CLEC1B: variants seen among roughly 807,000 people sequenced by gnomAD.
CLEC1B encodes C-type lectin domain family 1 member B, also known as C-type lectin-like receptor 2.
CLEC1B carries 26 observed loss-of-function variants against 26.7 expected under a neutral mutation model. That is an observed-to-expected ratio of 0.97 (90% CI 0.71 to 1.35). The LOEUF (loss-of-function observed/expected upper bound fraction) is 1.35. Ranked by LOEUF, CLEC1B falls within the 40% of genes most tolerant of loss-of-function variation. The pLI is 0.00. For synonymous variants in CLEC1B, 112 were observed against 96.0 expected, an observed-to-expected ratio of 1.17 and a Z score of -0.97; for missense variants, 293 against 282.6, an observed-to-expected ratio of 1.04 and a Z score of -0.26.
intron 2 of CLEC1B, among the ~76,000 whole-genome samples, chr12:9,997,829 AAAG>A (rs1240743493): frequency 6.6e-6 from 1 of 152,216 alleles, no homozygotes; most frequent in African/African-American, 2.4e-5. Context: ...AGAATTACAG[AAAG>A]AAGAAATGCA....
intron 2 of CLEC1B, 136 bp downstream of exon 2, chr12:9,998,146 C>T: frequency 3.0e-6 from 2 of 673,688 alleles, no homozygotes; most frequent in South Asian, 1.8e-5. Context: ...TTGAGATTCT[C>T]TTGGCAACTA....
chr12:9,999,878 G>A (rs1865135224), upstream of CLEC1B, among the ~76,000 whole-genome samples: 2 of 152,160 alleles, frequency 1.3e-5, no homozygotes, highest in Non-Finnish European at 2.9e-5. Flanking sequence ...GTACAGCTGT[G>A]CTTAGATGAA....
At chr12:9,994,409 T>C (rs1023221051) in intron 5 of CLEC1B, among the ~76,000 whole-genome samples, 58 of 152,288 alleles carry the variant, frequency 3.8e-4, no homozygotes, top group Non-Finnish European at 6.5e-4. Flanking sequence ...AAATATTTGT[T>C]TAAAAATTTA....
chr12:10,000,068 A>G (rs1464733305), upstream of CLEC1B, among the ~76,000 whole-genome samples: 1 of 152,194 alleles, frequency 6.6e-6, no homozygotes, highest in Non-Finnish European at 1.5e-5. Flanking sequence ...GATGTTGTCT[A>G]TTTTGCCATA....
intron 5 of CLEC1B, 61 bp from the exon 6 acceptor site, chr12:9,993,348 C>G: frequency 7.3e-7 from 1 of 1,374,256 alleles, no homozygotes; most frequent in Non-Finnish European, 1.0e-6. Context: ...AGTAATCAGA[C>G]TCTGCGTATA....
intron 2 of CLEC1B, 43 bp from the exon 3 acceptor site, chr12:9,997,322 A>G: frequency 1.9e-6 from 3 of 1,553,406 alleles, no homozygotes; most frequent in Non-Finnish European, 2.6e-6. Context: ...AATTAGAACC[A>G]TAGAAATGAT....
At chr12:9,994,223 C>T (rs889660323) in intron 5 of CLEC1B, among the ~76,000 whole-genome samples, 1 of 152,068 alleles carries the variant, frequency 6.6e-6, no homozygotes, top group South Asian at 2.1e-4. Flanking sequence ...AGACAAAAGC[C>T]TTAAGGTAAC....
At chr12:9,994,857 A>T (rs1365656652) in intron 5 of CLEC1B, among the ~76,000 whole-genome samples, 1 of 151,934 alleles carries the variant, frequency 6.6e-6, no homozygotes, top group Non-Finnish European at 1.5e-5. Context: ...ACACTCACAC[A>T]TACACATACA....
intron 5 of CLEC1B, among the ~76,000 whole-genome samples, chr12:9,994,816 C>T (rs1288763902): frequency 1.4e-5 from 2 of 147,308 alleles, no homozygotes; most frequent in Non-Finnish European, 3.0e-5. Flanking sequence ...CAAAAACACA[C>T]ACACATGTGC....
chr12:9,993,090 CT>C lies in CLEC1B; in HGVS notation c.*52del. On this transcript the variant is annotated 3_prime_UTR_variant, in exon 6 of 6. Coordinates refer to ENST00000298527, the MANE Select transcript of CLEC1B (RefSeq NM_016509.4). ...CAGCTACTGATGCATTCATACATATCTTTTATTGTACAATAAAGCCCTTATC... is the reference window on the plus strand; with the variant it reads ...CAGCTACTGATGCATTCATACATATCTTTATTGTACAATAAAGCCCTTATC... 2 of 1,528,022 alleles carry C rather than the reference CT, an allele frequency of 1.3e-6. No homozygotes were observed. Among genetic ancestry groups the C allele is most frequent in the Non-Finnish European group, 1.8e-6 (2 of 1,120,148 alleles). The allele number at this position is 1,528,022 out of a possible 1,614,324, so 94.7% of individuals were successfully genotyped here.
At chr12:9,994,894 G>C in intron 5 of CLEC1B, 1 of 958,378 alleles carries the variant, frequency 1.0e-6, no homozygotes, top group Non-Finnish European at 1.4e-6. Flanking sequence ...TGGTAAGGTT[G>C]AATGTAAAAA....
At chr12:9,997,118 CA>C in intron 3 of CLEC1B, 41 bp downstream of exon 3, 11 of 1,611,534 alleles carry the variant, frequency 6.8e-6, no homozygotes, top group Non-Finnish European at 9.3e-6. Flanking sequence ...AGAAATGCTC[CA>C]GGGGTTGGAG....
rs573942214 is a variant in CLEC1B at position 9,994,118 on chromosome 12, T to C, written c.546-831A>G. ...CTAATTTAGTTTGGGTAGAGTTAGG[T>C]TCACTGAAGAAGTGATGTTTAAATA... On this transcript the variant is annotated intron_variant, in intron 5 of 5. Coordinates refer to ENST00000298527, the MANE Select transcript of CLEC1B (RefSeq NM_016509.4). Among the ~76,000 whole-genome samples the C allele has an allele frequency of 3.9e-5, 6 of 152,178 alleles. No homozygotes were observed. In the East Asian group the frequency reaches 1.2e-3, roughly 29 times the overall value.
rs1430776670 is a variant in CLEC1B at position 9,993,267 on chromosome 12, C to T, written c.566G>A (p.Gly189Glu). ...ATAAGCACAATTCATATTTCCTTTT[C>T]CATCTTCCAAAAACTCAAACCTGTG... ...SENMFEFLED[G>E]KGNMNCAYFH... Residue 189 changes from glycine (G) to glutamate (E), a missense_variant, in exon 6 of 6, where the codon GGA (glycine) becomes GAA (glutamate). Gly to Glu is a moderately conservative substitution (Grantham distance 98). Transcript: ENST00000298527. The T allele has an allele frequency of 6.2e-7, 1 of 1,612,572 alleles. No individual in the cohort carries two copies. The highest frequency in any genetic ancestry group is 1.1e-5 in the South Asian group (1 of 91,038).
upstream of CLEC1B, among the ~76,000 whole-genome samples, chr12:10,001,062 T>TACAC (rs1865152681): frequency 1.3e-5 from 2 of 152,338 alleles, no homozygotes; most frequent in South Asian, 4.1e-4. Flanking sequence ...CTTAATTTGT[T>TACAC]ACATTAAATC....
In CLEC1B at chr12:9,999,063, T is replaced by C. The variant is rs372487801; in HGVS notation, c.38A>G (p.Lys13Arg). The C allele has an allele frequency of 1.5e-5, 24 of 1,608,342 alleles. No individual in the cohort carries two copies. The African/African-American group carries it at 3.1e-4, about 21-fold the overall frequency. The change falls in exon 1 of 6, where the codon AAA becomes AGA. Residue 13 changes from lysine (K) to arginine (R), a missense_variant. By Grantham distance (26) the Lys-to-Arg change is conservative (BLOSUM62 2). Transcript: ENST00000298527. Reference sequence around the variant, plus strand: ...GGAGATGAGAGCTGGTTTCCGAGTTTTAATATTTAAGGTGATGTATCCATC... The same window carrying C: ...GGAGATGAGAGCTGGTTTCCGAGTTCTAATATTTAAGGTGATGTATCCATC... Reference protein sequence around the residue: ...DEDGYITLNIKTRKPALISVG... With the variant: ...DEDGYITLNIRTRKPALISVG...
intron 5 of CLEC1B, among the ~76,000 whole-genome samples, chr12:9,994,518 A>T (rs1298527325): frequency 6.6e-6 from 1 of 152,278 alleles, no homozygotes; most frequent in Non-Finnish European, 1.5e-5. Context: ...GGATGAACAA[A>T]AGATGTTGAG....
At position 9,997,170 on chromosome 12, in the gene CLEC1B, C is replaced by T. The variant is rs1301671964; in HGVS notation, c.273G>A (p.Lys91=). 2 of 1,613,934 alleles carry T rather than the reference C, an allele frequency of 1.2e-6. No individual in the cohort carries two copies. The highest frequency in any genetic ancestry group is 2.2e-5 in the East Asian group (1 of 44,876). ...AAAAACAATACTTACTGAAAGTGCC[C>T]TTTAGTTCTGATTGTTTTACCACAT... is the stretch of plus-strand genomic sequence containing the variant. ...CQYVVKQSEL[K]GTFKGHKCSP... Residue 91 remains lysine (K), a synonymous_variant, in exon 3 of 6, where the codon AAG becomes AAA. Transcript: ENST00000298527.
chr12:9,997,004 G>A lies in CLEC1B; in HGVS notation c.284-4C>T. ...CAGGGGCTGCATTTATGACCTTCTGGAGAAACCAAGCACAGGAATGGTGTA... is the reference window on the plus strand; with the variant it reads ...CAGGGGCTGCATTTATGACCTTCTGAAGAAACCAAGCACAGGAATGGTGTA... On this transcript the variant is annotated splice_polypyrimidine_tract_variant and splice_region_variant and intron_variant, in intron 3 of 5. Coordinates refer to ENST00000298527, the MANE Select transcript of CLEC1B (RefSeq NM_016509.4). The A allele has an allele frequency of 6.2e-7, 1 of 1,613,714 alleles. No individual in the cohort carries two copies. The highest frequency in any genetic ancestry group is 8.5e-7 in the Non-Finnish European group (1 of 1,179,884).
Sources: gnomAD v4.1 joint callset for allele counts (sites outside exome capture counted in the v4.1 genomes callset) on GRCh38, gnomAD v4.1.1 for gene constraint, MANE v1.5 for transcripts, NCBI Gene and HGNC (gene_info 2026-07-23, HGNC 2026-07-21) for gene names.